DNAH1: variants seen among roughly 807,000 people sequenced by gnomAD.
DNAH1 encodes dynein axonemal heavy chain 1.
DNAH1 carries 327 observed loss-of-function variants against 484.3 expected under a neutral mutation model. The observed-to-expected ratio is 0.68, with a 90% confidence interval of 0.62 to 0.74. The LOEUF is 0.74. Ranked by LOEUF, DNAH1 falls within the 30% of genes least tolerant of loss-of-function variation. DNAH1 has a pLI of 0.00. For synonymous variants in DNAH1, 2,192 were observed against 2,191.9 expected (o/e 1.00, Z 0.00); for missense variants, 5,052 against 5,546.8 (o/e 0.91, Z 2.83).
chr3:52,332,305 C>T lies in DNAH1; in HGVS notation c.1197C>T (p.Pro399=). The T allele has an allele frequency of 6.2e-7, 1 of 1,614,080 alleles. No homozygotes were observed. The highest frequency in any genetic ancestry group is 8.5e-7 in the Non-Finnish European group (1 of 1,179,910). ...LLYNLYVDCM[P]SDGQHVISEQ... ...ACAACTTGTATGTGGACTGCATGCC[C>T]TCTGACGGCCAGCATGTCATCAGTG... Residue 399 remains proline, a synonymous_variant, in exon 8 of 78, where the codon CCC becomes CCT. Transcript: ENST00000420323.
At chr3:52,320,786 T>C (rs1264343283) in intron 1 of DNAH1, among the ~76,000 whole-genome samples, 1 of 150,736 alleles carries the variant, frequency 6.6e-6, no homozygotes, top group Non-Finnish European at 1.5e-5. Flanking sequence ...GCTTTCCTTT[T>C]CTTTCTTTCT....
chr3:52,326,626 C>T, intron 4 of DNAH1, 109 bp from the exon 5 acceptor site: 1 of 1,355,088 alleles, frequency 7.4e-7, no homozygotes, highest in Non-Finnish European at 1.0e-6. Context: ...CCAGAGGGGT[C>T]TCTCGGCCAC....
Position 52,349,437 on chromosome 3 carries a change from C to T in DNAH1, c.2526+17C>T, listed in dbSNP as rs1283288314. On this transcript the variant is annotated intron_variant, in intron 14 of 77. Coordinates refer to ENST00000420323, the MANE Select transcript of DNAH1 (RefSeq NM_015512.5). ...GTGGATAGCGTAAGTGCCCACCTGC[C>T]CCGCCTCAGTGACCACAGCAGCACA... 1.2e-6 allele frequency: 2 copies of T among 1,608,814 alleles called. No homozygotes were observed. The highest frequency in any genetic ancestry group is 2.2e-5 in the South Asian group (2 of 90,848).
rs1702637054 is a variant in DNAH1, at chr3:52,357,011, T to A, written c.3858+233T>A. On this transcript the variant is annotated intron_variant, in intron 22 of 77. Coordinates refer to ENST00000420323, the MANE Select transcript of DNAH1 (RefSeq NM_015512.5). ...AGATCCACAGCCCATATTAACGTTT[T>A]TTTTTTGTTTGTCTGTTTTTTTTTT... 2.0e-5 allele frequency among the ~76,000 whole-genome samples: 3 copies of A among 152,220 alleles called. No homozygotes were observed. The South Asian group carries it at 6.2e-4, about 32-fold the overall frequency.
At chr3:52,388,051 G>T in intron 56 of DNAH1, 116 bp from the exon 57 acceptor site, 1 of 1,311,946 alleles carries the variant, frequency 7.6e-7, no homozygotes, top group Middle Eastern at 1.9e-4. Context: ...TCTGTACTGA[G>T]GCCTGCACAG....
In DNAH1 at chr3:52,400,356, CTA is replaced by C; in HGVS notation, c.12710_12711del (p.Tyr4237CysfsTer?). 6.2e-7 allele frequency: 1 copy of C among 1,614,044 alleles called. No individual in the cohort carries two copies. The highest frequency in any genetic ancestry group is 8.5e-7 in the Non-Finnish European group (1 of 1,179,888). On this transcript the variant is annotated frameshift_variant, in exon 78 of 78. Transcript: ENST00000420323. LOFTEE classifies it high-confidence loss of function. ...TATCAACCACAGGACACTCTACCAA[CTA>C]TGTCATTGCTGTGGAGATCCCCACC... ...TLSTTGHSTN[Y>X]VIAVEIPTHQ... is the part of the protein sequence containing the mutation.
intron 77 of DNAH1, 48 bp from the exon 78 acceptor site, chr3:52,400,277 G>A (rs1559580969): frequency 6.2e-7 from 1 of 1,610,092 alleles, no homozygotes. Flanking sequence ...ATCCCTGCTA[G>A]TAGTAATAGG....
upstream of DNAH1, among the ~76,000 whole-genome samples, chr3:52,312,874 G>C (rs1033398308): frequency 2.6e-5 from 4 of 151,942 alleles, no homozygotes; most frequent in South Asian, 8.3e-4. Context: ...GGATGGTCTC[G>C]ATCTCCTGAC....
chr3:52,391,887 C>T (rs1159591795), intron 63 of DNAH1, among the ~76,000 whole-genome samples: 1 of 152,216 alleles, frequency 6.6e-6, no homozygotes, highest in Non-Finnish European at 1.5e-5. Flanking sequence ...TCCAGGGACC[C>T]CTTCTCTCCT....
chr3:52,341,531 T>A (rs1196455126), intron 8 of DNAH1, among the ~76,000 whole-genome samples: 2 of 76,694 alleles, frequency 2.6e-5, no homozygotes, highest in Non-Finnish European at 5.1e-5. Context: ...TGACTTTGAC[T>A]TTTTTTTTTT....
At chr3:52,397,175 A>G (rs1704674845) in intron 73 of DNAH1, 131 bp downstream of exon 73, 10 of 885,062 alleles carry the variant, frequency 1.1e-5, no homozygotes, top group African/African-American at 1.7e-5. Context: ...TCATCAGTCA[A>G]TCCATCCCAT....
chr3:52,391,429 C>T lies in DNAH1; in HGVS notation c.9892-14C>T. On this transcript the variant is annotated splice_polypyrimidine_tract_variant and intron_variant, in intron 62 of 77. Coordinates refer to ENST00000420323, the MANE Select transcript of DNAH1 (RefSeq NM_015512.5). Reference sequence around the variant, plus strand: ...TGCTCAGGCCACAGTACCCACCGGTCCCACCCACCACAGACGTACAAGCAG... The same window carrying T: ...TGCTCAGGCCACAGTACCCACCGGTTCCACCCACCACAGACGTACAAGCAG... The T allele has an allele frequency of 1.2e-6, 2 of 1,605,264 alleles. No homozygotes were observed. The highest frequency in any genetic ancestry group is 1.1e-5 in the South Asian group (1 of 89,906).
At position 52,396,358 on chromosome 3, in the gene DNAH1, T is replaced by C. The variant is rs764754049; in HGVS notation, c.11260-10T>C. The C allele has an allele frequency of 1.9e-6, 3 of 1,566,608 alleles. No individual in the cohort carries two copies. Among genetic ancestry groups the C allele is most frequent in the South Asian group, 2.4e-5 (2 of 84,944 alleles). On this transcript the variant is annotated splice_polypyrimidine_tract_variant and intron_variant, in intron 70 of 77. Transcript: ENST00000420323. ...GGGTCTCAATGCTCACGTGGAGCCA[T>C]GGCCACCAGGTACACAGGGACTTCC...
At chr3:52,398,806 G>A (rs1297261898) in intron 75 of DNAH1, 44 bp from the exon 76 acceptor site, 3 of 1,449,518 alleles carry the variant, frequency 2.1e-6, no homozygotes, top group South Asian at 2.9e-5. Context: ...CTACTGCCAC[G>A]TGACCCCAGC....
At chr3:52,397,170 AG>A in intron 73 of DNAH1, 126 bp downstream of exon 73, 1 of 928,686 alleles carries the variant, frequency 1.1e-6, no homozygotes. Flanking sequence ...TCTTTTCATC[AG>A]TCAATCCATC....
At chr3:52,387,080 G>A (rs1297252250) in intron 56 of DNAH1, among the ~76,000 whole-genome samples, 1 of 152,200 alleles carries the variant, frequency 6.6e-6, no homozygotes, top group South Asian at 2.1e-4. Flanking sequence ...AGTCTGGTAG[G>A]GTGACAGACC....
chr3:52,381,553 A>G lies in DNAH1; in HGVS notation c.7609-87A>G. ...GGCACCTGTGCTTCTCAGTCAGGAC[A>G]GAGAAGAAAGCGGGTGGGTGGGGGG... is the stretch of plus-strand genomic sequence containing the variant. On this transcript the variant is annotated intron_variant, in intron 48 of 77. Coordinates refer to ENST00000420323, the MANE Select transcript of DNAH1 (RefSeq NM_015512.5). This position sits in a 1 kb window ranked among gnomAD's most constrained non-coding sequence, Gnocchi z 4.1. 7.8e-7 allele frequency: 1 copy of G among 1,280,942 alleles called. No individual in the cohort carries two copies. The highest frequency in any genetic ancestry group is 1.1e-6 in the Non-Finnish European group (1 of 928,306). 79.3% of individuals were successfully genotyped at this position (1,280,942 alleles called of 1,614,324 possible). A position where few individuals can be genotyped will look rare whatever the true frequency, so the allele number is the denominator to read the frequency against.
At position 52,369,886 on chromosome 3, in the gene DNAH1, G is replaced by A. The variant is rs747073645; in HGVS notation, c.6005G>A (p.Arg2002His). Reference sequence around the variant, plus strand: ...GTGGCTTCACCAGCTACAGTCTCCCGCTGTGGCATGGTGTACCTGGAGCCC... The same window carrying A: ...GTGGCTTCACCAGCTACAGTCTCCCACTGTGGCATGGTGTACCTGGAGCCC... ...LAVASPATVS[R>H]CGMVYLEPSI... is the part of the protein sequence containing the mutation. Residue 2002 changes from arginine to histidine, a missense_variant, in exon 38 of 78, where the codon CGC becomes CAC. Around this residue, in one of 4 missense-constraint regions of DNAH1, gnomAD observed 2,929 missense variants for 3,409.4 expected, o/e 0.86. Coordinates refer to ENST00000420323, the MANE Select transcript of DNAH1 (RefSeq NM_015512.5). 77 of 1,613,836 alleles carry A rather than the reference G, an allele frequency of 4.8e-5. No individual in the cohort carries two copies. Among genetic ancestry groups the A allele is most frequent in the Non-Finnish European group, 6.1e-5 (72 of 1,179,876 alleles).
upstream of DNAH1, among the ~76,000 whole-genome samples, chr3:52,311,698 G>A (rs890213038): frequency 2.0e-5 from 3 of 152,148 alleles, no homozygotes; most frequent in Non-Finnish European, 4.4e-5. Context: ...AAGCTGGACC[G>A]TGACCAGACA....
Sources: allele counts gnomAD v4.1 joint callset (sites outside exome capture counted in the v4.1 genomes callset), GRCh38; gene constraint gnomAD v4.1.1; regional missense constraint gnomAD v4.1.1; non-coding constraint Gnocchi (gnomAD v3.1); transcripts MANE v1.5; gene names NCBI Gene and HGNC (gene_info 2026-07-23, HGNC 2026-07-21).